TOX3: variants seen among roughly 807,000 people sequenced by gnomAD.
TOX3 encodes CAG trinucleotide repeat-containing gene F9 protein.
A neutral mutation model predicts 64.3 loss-of-function variants in TOX3; 22 were observed. The observed-to-expected ratio is 0.34, with a 90% CI of 0.24 to 0.49. TOX3 has a LOEUF of 0.49. Among genes scored for constraint, TOX3 ranks in the 20% least tolerant of loss-of-function variants. The probability of loss-of-function intolerance (pLI) is 0.99; values close to 1 mark genes in which losing one functional copy is unlikely to be tolerated. For missense variants in TOX3, 661 were observed against 714.4 expected (o/e 0.93, Z 0.85); for synonymous variants, 291 against 273.6 (o/e 1.06, Z -0.63).
chr16:52,493,178 C>T (rs915923082), intron 1 of TOX3, among the ~76,000 whole-genome samples: 3 of 152,102 alleles, frequency 2.0e-5, no homozygotes, highest in African/African-American at 7.2e-5. Context: ...ATCTCAATAG[C>T]AGTATTTCAA....
intron 1 of TOX3, among the ~76,000 whole-genome samples, chr16:52,485,036 A>AATAT (rs58800489): frequency 0.014 from 1,948 of 140,478 alleles, 52 homozygotes; most frequent in African/African-American, 0.049. Context: ...ATGTCAGATA[A>AATAT]ATATATATAT....
intron 1 of TOX3, among the ~76,000 whole-genome samples, chr16:52,486,969 A>G (rs926486404): frequency 1.9e-4 from 29 of 152,258 alleles, no homozygotes; most frequent in African/African-American, 6.7e-4. Context: ...AAAGAAAAAA[A>G]GTGGTGACCA....
chr16:52,495,963 A>T (rs555933067), intron 1 of TOX3, among the ~76,000 whole-genome samples: 7 of 152,308 alleles, frequency 4.6e-5, no homozygotes, highest in African/African-American at 1.4e-4. Flanking sequence ...CCATGGGGCA[A>T]TAAAAAGAGG....
At chr16:52,513,066 T>C (rs1469013636) in intron 1 of TOX3, among the ~76,000 whole-genome samples, 3 of 152,194 alleles carry the variant, frequency 2.0e-5, no homozygotes, top group Admixed American at 1.3e-4. Flanking sequence ...AGAAGAGCTA[T>C]AATGCAAACA....
chr16:52,468,460 T>C, intron 2 of TOX3, 49 bp downstream of exon 2: 1 of 1,528,832 alleles, frequency 6.5e-7, no homozygotes, highest in Non-Finnish European at 9.0e-7. Context: ...TATTAAATTA[T>C]CTCAATAACA....
At chr16:52,542,208 C>T (rs1001373150) in intron 1 of TOX3, among the ~76,000 whole-genome samples, 7 of 152,170 alleles carry the variant, frequency 4.6e-5, no homozygotes, top group African/African-American at 1.7e-4. Context: ...CTGGTCTTCA[C>T]AGGTGTCACA....
At chr16:52,525,950 C>T (rs1462861931) in intron 1 of TOX3, among the ~76,000 whole-genome samples, 1 of 152,208 alleles carries the variant, frequency 6.6e-6, no homozygotes, top group Non-Finnish European at 1.5e-5. Flanking sequence ...TTGTTTTAAT[C>T]TAGATCTTCC....
intron 1 of TOX3, chr16:52,475,694 G>A (rs531941472): frequency 4.6e-5 from 7 of 152,170 alleles, no homozygotes; most frequent in Non-Finnish European, 1.0e-4. Flanking sequence ...GGATTCAAGT[G>A]TTAGATTTGA....
At chr16:52,479,458 A>G (rs1321571221) in intron 1 of TOX3, among the ~76,000 whole-genome samples, 1 of 152,228 alleles carries the variant, frequency 6.6e-6, no homozygotes, top group Non-Finnish European at 1.5e-5. Flanking sequence ...AGATCAGACC[A>G]TGACAGCTGA....
intron 1 of TOX3, among the ~76,000 whole-genome samples, chr16:52,488,214 GC>G (rs1298779390): frequency 6.6e-6 from 1 of 152,040 alleles, no homozygotes; most frequent in East Asian, 1.9e-4. Flanking sequence ...AAAACACCCT[GC>G]CCCTAGCCAG....
intron 3 of TOX3, among the ~76,000 whole-genome samples, chr16:52,457,708 C>A (rs1960561569): frequency 6.6e-6 from 1 of 152,136 alleles, no homozygotes. Flanking sequence ...TAACAACGAT[C>A]AAATAGTTAT....
chr16:52,519,596 A>G lies in TOX3; in HGVS notation c.87+27041T>C, dbSNP rs573669197. 267 of 1,423,880 alleles carry G rather than the reference A, an allele frequency of 1.9e-4. No homozygotes were observed. In the African/African-American group the frequency reaches 3.6e-3, roughly 19 times the overall value. The allele number at this position is 1,423,880 out of a possible 1,614,324, so 88.2% of individuals were successfully genotyped here. A position where few individuals can be genotyped will look rare whatever the true frequency, so the allele number is the denominator to read the frequency against. On this transcript the variant is annotated intron_variant, in intron 1 of 6. Transcript: ENST00000219746. ...GCATCCTAGCTGAGCAGACGAAAAA[A>G]AAAACAACATGGTTGGGCAATCAGC...
chr16:52,497,088 T>A (rs1217568992), intron 1 of TOX3, among the ~76,000 whole-genome samples: 1 of 152,190 alleles, frequency 6.6e-6, no homozygotes, highest in Non-Finnish European at 1.5e-5. Context: ...CTTTTATTGC[T>A]ACTTTGCTAA....
chr16:52,458,156 C>A (rs1960578322), intron 3 of TOX3, among the ~76,000 whole-genome samples: 1 of 152,238 alleles, frequency 6.6e-6, no homozygotes, highest in Non-Finnish European at 1.5e-5. Flanking sequence ...TAAGTATGCT[C>A]TTAATAACAA....
intron 1 of TOX3, among the ~76,000 whole-genome samples, chr16:52,502,012 G>A (rs2151465262): frequency 6.6e-6 from 1 of 152,272 alleles, no homozygotes; most frequent in South Asian, 2.1e-4. Context: ...AGTAAAACTT[G>A]AGCCATGCCA....
intron 3 of TOX3, among the ~76,000 whole-genome samples, chr16:52,453,161 T>G (rs915121252): frequency 7.9e-5 from 12 of 151,220 alleles, no homozygotes; most frequent in Non-Finnish European, 1.8e-4. Context: ...TTCTAAATTT[T>G]CGTCTTCATA....
At chr16:52,448,721 GGGTTCTGTCCTTGACTTACT>G (rs1012415185) in intron 4 of TOX3, among the ~76,000 whole-genome samples, 1 of 152,142 alleles carries the variant, frequency 6.6e-6, no homozygotes, top group African/African-American at 2.4e-5. Context: ...ATGATGCTCA[GGGTTCTGTCCTTGACTTACT>G]CCTTAATACT....
chr16:52,529,646 C>T (rs971662293), intron 1 of TOX3, among the ~76,000 whole-genome samples: 5 of 152,194 alleles, frequency 3.3e-5, no homozygotes, highest in South Asian at 4.1e-4. Context: ...AAATGGGTTT[C>T]CTGTTTGACT....
intron 1 of TOX3, among the ~76,000 whole-genome samples, chr16:52,496,085 T>A (rs1961842606): frequency 1.3e-5 from 2 of 152,174 alleles, no homozygotes; most frequent in African/African-American, 4.8e-5. Context: ...AAATAGTAAC[T>A]GGGAGCTTAA....
Sources: gnomAD v4.1 joint callset for allele counts (sites outside exome capture counted in the v4.1 genomes callset) on GRCh38, gnomAD v4.1.1 for gene constraint, MANE v1.5 for transcripts, NCBI Gene and HGNC (gene_info 2026-07-23, HGNC 2026-07-21) for gene names.